KIAA1671: variants seen among roughly 807,000 people sequenced by gnomAD.
KIAA1671 encodes the protein uncharacterized protein KIAA1671.
KIAA1671 carries 52 observed loss-of-function variants against 131.2 expected under a neutral mutation model. That is an observed-to-expected ratio of 0.40 (90% CI 0.32 to 0.50). The LOEUF (loss-of-function observed/expected upper bound fraction) is 0.50, where lower values mean the gene tolerates loss of function less well. Among genes scored for constraint, KIAA1671 ranks in the 20% least tolerant of loss-of-function variants. The pLI is 0.73. For synonymous variants in KIAA1671, 1,003 were observed against 961.6 expected (o/e 1.04, Z -0.80); for missense variants, 2,360 against 2,364.2 (o/e 1.00, Z 0.04).
chr22:25,155,531 CTA>C (rs1451482178), intron 6 of KIAA1671, among the ~76,000 whole-genome samples: 2 of 150,314 alleles, frequency 1.3e-5, no homozygotes, highest in African/African-American at 4.9e-5. Flanking sequence ...TTTGTGTTGT[CTA>C]TTTTTTGTGT....
chr22:25,005,749 T>C (rs1924717424), intron 1 of KIAA1671, among the ~76,000 whole-genome samples: 1 of 152,218 alleles, frequency 6.6e-6, no homozygotes, highest in Non-Finnish European at 1.5e-5. Context: ...TTAAATTAAA[T>C]AAGGTTGGGC....
intron 1 of KIAA1671, among the ~76,000 whole-genome samples, chr22:25,006,330 C>A (rs889867665): frequency 1.3e-5 from 2 of 152,102 alleles, no homozygotes; most frequent in African/African-American, 4.8e-5. Context: ...CTGTACCTGG[C>A]CTTAATGACA....
intron 6 of KIAA1671, among the ~76,000 whole-genome samples, chr22:25,089,266 A>ATTTTT (rs34941122): frequency 2.2e-5 from 2 of 89,274 alleles, no homozygotes; most frequent in African/African-American, 4.9e-5. Context: ...TGTGTGTTTA[A>ATTTTT]TTTTTTTTTT....
At chr22:25,127,379 CTCT>C (rs995755204) in intron 6 of KIAA1671, among the ~76,000 whole-genome samples, 7 of 152,196 alleles carry the variant, frequency 4.6e-5, no homozygotes, top group East Asian at 1.9e-4. Context: ...AGGGTTAAGC[CTCT>C]TCTTCAAATG....
intron 1 of KIAA1671, among the ~76,000 whole-genome samples, chr22:24,962,400 A>G (rs1922063477): frequency 1.3e-5 from 2 of 152,092 alleles, no homozygotes; most frequent in Admixed American, 6.6e-5. Context: ...ATTGGCATGG[A>G]GCTGAGGGGG....
At chr22:25,033,816 G>A (rs369028520) in intron 4 of KIAA1671, among the ~76,000 whole-genome samples, 4 of 151,738 alleles carry the variant, frequency 2.6e-5, no homozygotes, top group African/African-American at 9.7e-5. Context: ...TCCTGACCTC[G>A]TGATCTGCCC....
intron 6 of KIAA1671, among the ~76,000 whole-genome samples, chr22:25,120,683 C>T (rs1931890246): frequency 6.6e-6 from 1 of 152,258 alleles, no homozygotes; most frequent in Non-Finnish European, 1.5e-5. Context: ...GAAAACCACT[C>T]CTAGCATTGG....
chr22:25,173,611 T>C (rs1933923064), intron 7 of KIAA1671, among the ~76,000 whole-genome samples: 1 of 152,248 alleles, frequency 6.6e-6, no homozygotes, highest in Admixed American at 6.5e-5. Context: ...AATTACTATG[T>C]ATCGATTATA....
At chr22:25,096,984 A>G (rs766670442) in intron 6 of KIAA1671, among the ~76,000 whole-genome samples, 2 of 152,216 alleles carry the variant, frequency 1.3e-5, no homozygotes, top group Non-Finnish European at 2.9e-5. Context: ...TTTCCATTGC[A>G]TGGATGTGCC....
intron 6 of KIAA1671, among the ~76,000 whole-genome samples, chr22:25,129,022 C>T (rs537795668): frequency 6.6e-6 from 1 of 152,240 alleles, no homozygotes; most frequent in South Asian, 2.1e-4. Flanking sequence ...GGCAGCCGCA[C>T]TTAGTGCCAG....
At chr22:25,175,645 C>T (rs1933996280) in intron 8 of KIAA1671, 1 of 152,236 alleles carries the variant, frequency 6.6e-6, no homozygotes, top group Non-Finnish European at 1.5e-5. Context: ...CATCATGTCA[C>T]TGCATCATGA....
chr22:25,191,027 G>T (rs562472808), intron 12 of KIAA1671, among the ~76,000 whole-genome samples: 1 of 152,270 alleles, frequency 6.6e-6, no homozygotes, highest in Non-Finnish European at 1.5e-5. Context: ...AGGCCAGGAG[G>T]CAGGTGACTG....
intron 1 of KIAA1671, among the ~76,000 whole-genome samples, chr22:24,978,963 G>A (rs1261150964): frequency 6.6e-6 from 1 of 151,088 alleles, no homozygotes; most frequent in Non-Finnish European, 1.5e-5. Context: ...GGGATTATAG[G>A]CATGAGCCAC....
At chr22:25,094,968 C>T (rs1930326310) in intron 6 of KIAA1671, among the ~76,000 whole-genome samples, 1 of 152,108 alleles carries the variant, frequency 6.6e-6, no homozygotes, top group African/African-American at 2.4e-5. Flanking sequence ...AGTGGGGATA[C>T]TGTAGTAGAC....
chr22:25,016,506 C>T (rs1195247633), intron 1 of KIAA1671, among the ~76,000 whole-genome samples: 2 of 152,196 alleles, frequency 1.3e-5, no homozygotes, highest in Admixed American at 6.5e-5. Context: ...CAAACCTGCT[C>T]AACCTCTTGT....
rs1555884262 is a variant in KIAA1671 at position 25,164,960 on chromosome 22, A to AAG, written c.4531-5851_4531-5850dup. Among the ~76,000 whole-genome samples, 78 of 134,228 alleles carry AAG rather than the reference A, an allele frequency of 5.8e-4. 2 individuals are homozygous for AAG. The highest frequency in any genetic ancestry group is 2.1e-3 in the African/African-American group (75 of 35,046). 88.1% of individuals were successfully genotyped at this position (134,228 alleles called of 152,430 possible). On this transcript the variant is annotated intron_variant, in intron 6 of 12. Transcript: ENST00000358431. The stretch of plus-strand genomic sequence containing the variant: ...GAGACTGTCTCGGGAAAAAAAAAAA[A>AAG]AGAGAGAGAGTTGCAGGCGTGTGTG...
intron 6 of KIAA1671, among the ~76,000 whole-genome samples, chr22:25,143,702 A>G (rs986499691): frequency 3.4e-4 from 52 of 152,130 alleles, no homozygotes; most frequent in Admixed American, 1.7e-3. Flanking sequence ...GATGACATGC[A>G]CCAGGCTCCC....
intron 6 of KIAA1671, among the ~76,000 whole-genome samples, chr22:25,167,037 C>T (rs911302834): frequency 7.9e-5 from 12 of 152,150 alleles, no homozygotes; most frequent in African/African-American, 2.7e-4. Context: ...ATGGCCAGTT[C>T]CATCACATCT....
intron 6 of KIAA1671, among the ~76,000 whole-genome samples, chr22:25,106,071 C>CA (rs1423938058): frequency 3.9e-5 from 6 of 152,092 alleles, no homozygotes; most frequent in Non-Finnish European, 8.8e-5. Flanking sequence ...TGGTCAGGTT[C>CA]CCTAGAAGCA....
Sources: gnomAD v4.1 joint callset for allele counts (sites outside exome capture counted in the v4.1 genomes callset) on GRCh38, gnomAD v4.1.1 for gene constraint, MANE v1.5 for transcripts, NCBI Gene and HGNC (gene_info 2026-07-23, HGNC 2026-07-21) for gene names.